NCOR2: variants seen among roughly 807,000 people sequenced by gnomAD.
NCOR2 encodes the protein nuclear receptor corepressor 2.
In NCOR2, 81 loss-of-function variants were observed where a neutral mutation model predicts 262.9. The observed-to-expected ratio is 0.31, with a 90% CI of 0.26 to 0.37. NCOR2 has a LOEUF of 0.37. Ranked by LOEUF, NCOR2 falls within the 10% of genes least tolerant of loss-of-function variation. The probability of loss-of-function intolerance (pLI) is 1.00; values close to 1 mark genes in which losing one functional copy is unlikely to be tolerated. For missense variants in NCOR2, 3,385 were observed against 3,621.4 expected (o/e 0.93, Z 1.68); for synonymous variants, 1,659 against 1,559.3 (o/e 1.06, Z -1.51).
exon 47 of NCOR2, chr12:124,325,247 G>T: frequency 2.2e-6 from 1 of 463,740 alleles, no homozygotes; most frequent in African/African-American, 2.0e-5. Context: ...AGACAGGCAA[G>T]GATGCCGGCT....
rs373449303 is a variant in NCOR2 at position 124,387,196 on chromosome 12, TTTCATTCATTCATTCATTCA to T, written c.1877-1329_1877-1310del. 9.5e-5 allele frequency among the ~76,000 whole-genome samples: 14 copies of T among 147,668 alleles called. No homozygotes were observed. The East Asian group carries it at 2.7e-3, about 29-fold the overall frequency. The stretch of plus-strand genomic sequence containing the variant: ...GAGGGGCAGCCGTCTGTGTTGGTAT[TTTCATTCATTCATTCATTCA>T]TTCATTCATTCATTCATCCACCCAC... On this transcript the variant is annotated intron_variant, in intron 16 of 46. Coordinates refer to ENST00000405201, the Ensembl canonical transcript of NCOR2.
At chr12:124,385,432 C>A (rs2040732372) in intron 17 of NCOR2, among the ~76,000 whole-genome samples, 1 of 152,208 alleles carries the variant, frequency 6.6e-6, no homozygotes. Flanking sequence ...CCACCGCGCT[C>A]CTTCCCCCAC....
intron 24 of NCOR2, 174 bp downstream of exon 26, chr12:124,355,258 G>T (rs1277078805): frequency 2.7e-6 from 2 of 736,632 alleles, no homozygotes; most frequent in East Asian, 2.7e-5. Context: ...ACCCCCCAGG[G>T]ACGAGGCCCT....
At position 124,366,481 on chromosome 12, in the gene NCOR2, G is replaced by C. The variant is rs1393386297; in HGVS notation, c.2808-2682C>G. On this transcript the variant is annotated intron_variant, in intron 20 of 46. Coordinates refer to ENST00000405201, the Ensembl canonical transcript of NCOR2. ...TGATGGGCATAGGGTTTCTTTCTTAGTATAACACTGAATATACTAAGAAGA... is the reference window on the plus strand; with the variant it reads ...TGATGGGCATAGGGTTTCTTTCTTACTATAACACTGAATATACTAAGAAGA... 2.0e-5 allele frequency among the ~76,000 whole-genome samples: 3 copies of C among 152,188 alleles called. 1 individual carries two copies. In the East Asian group the frequency reaches 5.8e-4, roughly 29 times the overall value.
At chr12:124,519,694 G>A (rs974884170) in intron 1 of NCOR2, among the ~76,000 whole-genome samples, 1 of 152,172 alleles carries the variant, frequency 6.6e-6, no homozygotes, top group African/African-American at 2.4e-5. Context: ...GGAGCATCTT[G>A]AGAGTAATAA....
At chr12:124,380,590 C>T (rs1020880540) in intron 17 of NCOR2, among the ~76,000 whole-genome samples, 6 of 152,202 alleles carry the variant, frequency 3.9e-5, no homozygotes, top group African/African-American at 1.4e-4. Flanking sequence ...TCTGCGGCTG[C>T]GGCCGAGGGC....
At chr12:124,546,540 G>A (rs2051550183) in intron 1 of NCOR2, among the ~76,000 whole-genome samples, 1 of 150,442 alleles carries the variant, frequency 6.6e-6, no homozygotes. Context: ...TCAGCCTCCT[G>A]AGTATCTGGG....
rs112999672 is a variant in NCOR2 at position 124,417,015 on chromosome 12, G to A, written c.1482+2942C>T. ...AGTCAGCAAGCTGGACATTCGCTCC[G>A]CCCAGAGCAAGCCGGACACTCACTC... On this transcript the variant is annotated intron_variant, in intron 13 of 46. Transcript: ENST00000405201. Among the ~76,000 whole-genome samples the A allele has an allele frequency of 2.9e-3, 442 of 151,528 alleles. 2 individuals are homozygous for A. Among genetic ancestry groups the A allele is most frequent in the African/African-American group, 1.0e-2 (411 of 41,300 alleles).
chr12:124,419,531 G>A (rs1195835684), intron 13 of NCOR2, among the ~76,000 whole-genome samples: 1 of 152,222 alleles, frequency 6.6e-6, no homozygotes, highest in African/African-American at 2.4e-5. Context: ...TTTCTTTCAA[G>A]TATGTATTAA....
chr12:124,442,836 A>C lies in NCOR2; in HGVS notation c.816-4840T>G, dbSNP rs938275618. On this transcript the variant is annotated intron_variant, in intron 7 of 46. Transcript: ENST00000405201. ...GAATGAGGTTACTGGGGTGGGCCCTAATCCAATGACTTATGAAAAGGGGAA... is the reference window on the plus strand; with the variant it reads ...GAATGAGGTTACTGGGGTGGGCCCTCATCCAATGACTTATGAAAAGGGGAA... Among the ~76,000 whole-genome samples the C allele has an allele frequency of 2.4e-4, 36 of 152,226 alleles. 1 individual carries two copies. Among genetic ancestry groups the C allele is most frequent in the Admixed American group, 2.3e-3 (35 of 15,280 alleles).
rs2045934014 is a variant in NCOR2, at chr12:124,457,364, GCGGCC to G, written c.706-207_706-203del. Among the ~76,000 whole-genome samples, 7 of 151,788 alleles carry G rather than the reference GCGGCC, an allele frequency of 4.6e-5. No individual in the cohort carries two copies. The highest frequency in any genetic ancestry group is 1.3e-4 in the Admixed American group (2 of 15,256). The stretch of plus-strand genomic sequence containing the variant: ...ACAGAGGAGCCTCAATACCCCCACA[GCGGCC>G]CCAGCAAGCCAGCCAAGTTTCGATT... On this transcript the variant is annotated intron_variant, in intron 5 of 46. Coordinates refer to ENST00000405201, the Ensembl canonical transcript of NCOR2. This position sits in a 1 kb window ranked among gnomAD's most constrained non-coding sequence, Gnocchi z 4.0.
At position 124,381,528 on chromosome 12, in the gene NCOR2, A is replaced by C. The variant is rs556911363; in HGVS notation, c.2020-3144T>G. On this transcript the variant is annotated intron_variant, in intron 17 of 46. Transcript: ENST00000405201. ...GCTGTATTCCCACCATACCTGGAAC[A>C]GTGTCTAGCACAGAACAGACGCTCT... Among the ~76,000 whole-genome samples, 6 of 152,384 alleles carry C rather than the reference A, an allele frequency of 3.9e-5. 1 individual carries two copies. In the South Asian group the frequency reaches 1.2e-3, roughly 32 times the overall value.
rs2034627388 is a variant in NCOR2 at position 124,326,180 on chromosome 12, C to G, written c.7363+11G>C. The G allele has an allele frequency of 1.3e-6, 2 of 1,512,668 alleles. No homozygotes were observed. The highest frequency in any genetic ancestry group is 8.8e-7 in the Non-Finnish European group (1 of 1,133,986). 93.7% of individuals were successfully genotyped at this position (1,512,668 alleles called of 1,614,324 possible). On this transcript the variant is annotated intron_variant, in intron 46 of 46. Transcript: ENST00000405201. Reference sequence around the variant, plus strand: ...TCAGCGAGCCCAGCCCTGTCCCCACCTGGTGCCCACCTGCGGACGAGGGCC... The same window carrying G: ...TCAGCGAGCCCAGCCCTGTCCCCACGTGGTGCCCACCTGCGGACGAGGGCC...
chr12:124,473,596 A>T (rs2088228), intron 3 of NCOR2, among the ~76,000 whole-genome samples: 108,279 of 151,490 alleles, frequency 0.71, 41,417 homozygotes, highest in Non-Finnish European at 0.84. Flanking sequence ...ATATATATAT[A>T]TTTTTTCTAT....
Position 124,378,035 on chromosome 12 carries a change from T to C in NCOR2, c.2167+202A>G, listed in dbSNP as rs2040154480. ...CAGAGAAGCTGATTATTCTCAGTAT[T>C]GTTATGGCCTTCATCCTTGTGCCCA... On this transcript the variant is annotated intron_variant, in intron 18 of 46. Coordinates refer to ENST00000405201, the Ensembl canonical transcript of NCOR2. This position sits in a 1 kb window ranked among gnomAD's most constrained non-coding sequence, Gnocchi z 4.2. 6.6e-6 allele frequency among the ~76,000 whole-genome samples: 1 copy of C among 152,036 alleles called. No individual in the cohort carries two copies. Among genetic ancestry groups the C allele is most frequent in the African/African-American group, 2.4e-5 (1 of 41,384 alleles).
intron 40 of NCOR2, 84 bp downstream of exon 42, chr12:124,335,051 G>A (rs1002089343): frequency 1.9e-6 from 3 of 1,598,604 alleles, no homozygotes; most frequent in Non-Finnish European, 2.6e-6. Context: ...AGGACAGAAG[G>A]GCTGTGGGGT....
chr12:124,500,890 G>A (rs1483402022), intron 1 of NCOR2, among the ~76,000 whole-genome samples: 1 of 152,166 alleles, frequency 6.6e-6, no homozygotes, highest in Non-Finnish European at 1.5e-5. Context: ...TCAGCCGCGG[G>A]CTGTGGGGAG....
At chr12:124,450,815 G>A (rs754758254) in intron 6 of NCOR2, among the ~76,000 whole-genome samples, 3 of 152,214 alleles carry the variant, frequency 2.0e-5, no homozygotes, top group Non-Finnish European at 4.4e-5. Context: ...CTTTCTAGCT[G>A]GGTCTCCCTG....
At chr12:124,423,732 A>T (rs904346483) in intron 11 of NCOR2, among the ~76,000 whole-genome samples, 15 of 152,160 alleles carry the variant, frequency 9.9e-5, no homozygotes, top group African/African-American at 3.6e-4. Context: ...ACCAGGAATC[A>T]AACTTGGGAA....
Sources: allele counts gnomAD v4.1 joint callset (sites outside exome capture counted in the v4.1 genomes callset), GRCh38; gene constraint gnomAD v4.1.1; non-coding constraint Gnocchi (gnomAD v3.1); transcripts MANE v1.5; gene names NCBI Gene and HGNC (gene_info 2026-07-23, HGNC 2026-07-21).